TOPAZ1: variants seen among roughly 807,000 people sequenced by gnomAD.
TOPAZ1 encodes the protein testis and ovary specific TOPAZ 1, also known as protein TOPAZ1.
Under a neutral mutation model 172.2 loss-of-function variants are expected in TOPAZ1, and 66 were observed. The ratio of observed to expected loss-of-function variants is 0.38; its 90% confidence interval spans 0.31 to 0.47. The LOEUF is 0.47. Among genes scored for constraint, TOPAZ1 ranks in the 20% least tolerant of loss-of-function variants. The pLI, the probability that TOPAZ1 is intolerant of heterozygous loss-of-function variation, is 0.99. For missense variants in TOPAZ1, 1,822 were observed against 1,972.4 expected (o/e 0.92, Z 1.44); for synonymous variants, 681 against 683.9 (o/e 1.00, Z 0.07).
chr3:44,250,469 C>A (rs1377149906), intron 2 of TOPAZ1, among the ~76,000 whole-genome samples: 1 of 150,834 alleles, frequency 6.6e-6, no homozygotes, highest in Non-Finnish European at 1.5e-5. Context: ...TAATGTCTAC[C>A]CTGTGCTAGA....
intron 16 of TOPAZ1, among the ~76,000 whole-genome samples, chr3:44,315,200 CGTGTGT>C (rs71089096): frequency 3.3e-5 from 5 of 150,194 alleles, no homozygotes; most frequent in African/African-American, 7.4e-5. Context: ...TTTGAAAGAA[CGTGTGT>C]GTGTGTGTGT....
At chr3:44,315,203 GTGTGTGTGTGT>G (rs1700438535) in intron 16 of TOPAZ1, among the ~76,000 whole-genome samples, 3 of 4,778 alleles carry the variant, frequency 6.3e-4, no homozygotes, top group Non-Finnish European at 1.2e-3. Flanking sequence ...GAAAGAACGT[GTGTGTGTGTGT>G]GTGTGTGTGT....
intron 8 of TOPAZ1, among the ~76,000 whole-genome samples, chr3:44,278,709 A>G (rs1205837594): frequency 6.6e-6 from 1 of 150,512 alleles, no homozygotes; most frequent in Non-Finnish European, 1.5e-5. Context: ...TTCATTTCAG[A>G]TTTTATTTGG....
intron 8 of TOPAZ1, among the ~76,000 whole-genome samples, chr3:44,281,582 C>A (rs1700024122): frequency 6.6e-6 from 1 of 152,124 alleles, no homozygotes; most frequent in Non-Finnish European, 1.5e-5. Flanking sequence ...AATCAAGATA[C>A]AATTTTTTCC....
chr3:44,283,754 C>T (rs929236851), intron 9 of TOPAZ1, among the ~76,000 whole-genome samples: 10 of 152,180 alleles, frequency 6.6e-5, no homozygotes, highest in Non-Finnish European at 1.5e-4. Context: ...CACATATGTG[C>T]ATGGCCTTAC....
Position 44,243,294 on chromosome 3 carries a change from A to G in TOPAZ1, c.788A>G (p.Glu263Gly). The G allele has an allele frequency of 1.3e-6, 2 of 1,551,586 alleles. No homozygotes were observed. The highest frequency in any genetic ancestry group is 1.2e-5 in the South Asian group (1 of 84,034). Residue 263 changes from glutamate to glycine, a missense_variant, in exon 2 of 20, where the codon GAA becomes GGA. Physicochemically the swap from Glu to Gly is moderately conservative, Grantham distance 98. Around this residue, in one of 2 missense-constraint regions of TOPAZ1, gnomAD observed 1,489 missense variants for 1,490.8 expected, o/e 1.00. Transcript: ENST00000309765. ...MHVAENFSKK[E>G]NLRSLAEKSD... is the part of the protein sequence containing the mutation. ...GTAGCAGAAAATTTCTCAAAGAAAG[A>G]AAACCTTAGGAGTCTTGCAGAGAAG...
intron 12 of TOPAZ1, among the ~76,000 whole-genome samples, chr3:44,299,880 C>T (rs1263077064): frequency 1.5e-5 from 2 of 133,564 alleles, no homozygotes; most frequent in Non-Finnish European, 3.1e-5. Flanking sequence ...CATATTCTCA[C>T]TCATAGGTGG....
At chr3:44,284,240 A>G (rs1376893493) in intron 9 of TOPAZ1, among the ~76,000 whole-genome samples, 7 of 152,246 alleles carry the variant, frequency 4.6e-5, no homozygotes, top group Admixed American at 3.9e-4. Context: ...CATTCCAAAC[A>G]GAAATGCCGT....
In TOPAZ1 at chr3:44,309,961, G is replaced by A; in HGVS notation, c.4277G>A (p.Ser1426Asn). Residue 1426 changes from serine to asparagine, a missense_variant, in exon 16 of 20, where the codon AGC becomes AAC. Around this residue, in one of 2 missense-constraint regions of TOPAZ1, gnomAD observed 333 missense variants for 481.7 expected, o/e 0.69. Transcript: ENST00000309765. Reference protein sequence around the residue: ...VAAEIFLKSGSLDGAIWVMRE... With the variant: ...VAAEIFLKSGNLDGAIWVMRE... ...GCAGAAATTTTTCTAAAAAGTGGAA[G>A]CCTAGATGGTGCCATTTGGGTAATG... is the stretch of plus-strand genomic sequence containing the variant. 6.4e-7 allele frequency: 1 copy of A among 1,550,658 alleles called. No homozygotes were observed. Among genetic ancestry groups the A allele is most frequent in the Non-Finnish European group, 8.7e-7 (1 of 1,146,746 alleles).
chr3:44,243,797 G>T lies in TOPAZ1; in HGVS notation c.1291G>T (p.Ala431Ser), dbSNP rs1559522039. 1 of 1,551,744 alleles carries T rather than the reference G, an allele frequency of 6.4e-7. No homozygotes were observed. Among genetic ancestry groups the T allele is most frequent in the Non-Finnish European group, 8.7e-7 (1 of 1,146,990 alleles). ...ACTTTTGAAAGAAGAAACAGAGAAT[G>T]CTTCAGAGCCGTTAGGTTATGAAAG... ...EPLLKEETENASEPLGYESMA... is the reference protein window; with the variant it reads ...EPLLKEETENSSEPLGYESMA... The change falls in exon 2 of 20, where the codon GCT becomes TCT. Residue 431 changes from alanine (A) to serine (S), a missense_variant. Transcript: ENST00000309765.
At chr3:44,301,936 A>G (rs1256439336) in intron 12 of TOPAZ1, among the ~76,000 whole-genome samples, 3 of 152,006 alleles carry the variant, frequency 2.0e-5, no homozygotes, top group Admixed American at 1.3e-4. Context: ...TTGAGTCATC[A>G]TTTCTCTACA....
At chr3:44,288,429 A>T (rs1433981127) in intron 11 of TOPAZ1, among the ~76,000 whole-genome samples, 1 of 152,168 alleles carries the variant, frequency 6.6e-6, no homozygotes, top group Non-Finnish European at 1.5e-5. Context: ...CACGCCTGTA[A>T]TCCTAACACT....
intron 16 of TOPAZ1, among the ~76,000 whole-genome samples, chr3:44,310,675 T>C (rs6441830): frequency 0.83 from 125,987 of 152,200 alleles, 52,203 homozygotes; most frequent in Middle Eastern, 0.9. Flanking sequence ...AATGACATAA[T>C]AAGTAAGGAA....
At chr3:44,310,276 A>G (rs1700384071) in intron 16 of TOPAZ1, among the ~76,000 whole-genome samples, 1 of 152,212 alleles carries the variant, frequency 6.6e-6, no homozygotes, top group South Asian at 2.1e-4. Context: ...AAGGCAGCGG[A>G]TCACCTGAGG....
At chr3:44,296,989 T>C (rs553891502) in intron 12 of TOPAZ1, among the ~76,000 whole-genome samples, 2 of 151,386 alleles carry the variant, frequency 1.3e-5, no homozygotes, top group South Asian at 4.2e-4. Flanking sequence ...CTGACTAACA[T>C]GGTGAAACCC....
In TOPAZ1 at chr3:44,245,184, A is replaced by G. The variant is rs1397126886; in HGVS notation, c.2678A>G (p.Gln893Arg). ...SFTSEVPKIS[Q>R]EPNVAGEHQS... is the part of the protein sequence containing the mutation. ...ACTTCTGAGGTCCCAAAGATAAGCC[A>G]GGAGCCCAATGTTGCTGGAGAGCAC... The change falls in exon 2 of 20, where the codon CAG becomes CGG. Residue 893 changes from glutamine (Q) to arginine (R), a missense_variant. Physicochemically the swap from Gln to Arg is conservative, Grantham distance 43. This residue lies in a region of TOPAZ1 where 1,489 missense variants were observed against 1,490.8 expected (regional missense o/e 1.00). Coordinates refer to ENST00000309765, the MANE Select transcript of TOPAZ1 (RefSeq NM_001145030.2). The G allele has an allele frequency of 1.3e-6, 2 of 1,551,802 alleles. No individual in the cohort carries two copies. Among genetic ancestry groups the G allele is most frequent in the African/African-American group, 1.4e-5 (1 of 73,060 alleles).
intron 19 of TOPAZ1, among the ~76,000 whole-genome samples, chr3:44,328,814 G>A (rs9868291): frequency 0.01 from 1,540 of 152,176 alleles, 22 homozygotes; most frequent in African/African-American, 0.035. Flanking sequence ...AGGGAAATAC[G>A]TGATCAGCCA....
chr3:44,242,613 C>A (rs999088270), intron 1 of TOPAZ1, among the ~76,000 whole-genome samples: 2 of 152,196 alleles, frequency 1.3e-5, no homozygotes, highest in African/African-American at 4.8e-5. Context: ...ACTTGTGGTC[C>A]ATTTTGGCTA....
At chr3:44,291,218 A>C (rs1486666739) in intron 12 of TOPAZ1, among the ~76,000 whole-genome samples, 1 of 150,490 alleles carries the variant, frequency 6.6e-6, no homozygotes, top group South Asian at 2.1e-4. Context: ...TTTCTATTTG[A>C]CTCATTTTTT....
Sources: gnomAD v4.1 joint callset for allele counts (sites outside exome capture counted in the v4.1 genomes callset) on GRCh38, gnomAD v4.1.1 for gene constraint, gnomAD v4.1.1 regional missense constraint, MANE v1.5 for transcripts, NCBI Gene and HGNC (gene_info 2026-07-23, HGNC 2026-07-21) for gene names.